Variants in PTPRD observed in about 807,000 individuals in gnomAD.
PTPRD encodes the protein receptor-type tyrosine-protein phosphatase delta.
In PTPRD, 34 loss-of-function variants were observed where a neutral mutation model predicts 214.5. The ratio of observed to expected loss-of-function variants is 0.16; its 90% CI spans 0.12 to 0.21. The LOEUF (loss-of-function observed/expected upper bound fraction) is 0.21. PTPRD is among the 10% of genes least tolerant of loss of function. PTPRD has a pLI of 1.00. For synonymous variants in PTPRD, 1,128 were observed against 845.7 expected, an observed-to-expected ratio of 1.33 and a Z score of -5.79; for missense variants, 2,545 against 2,398.7, an observed-to-expected ratio of 1.06 and a Z score of -1.27.
intron 12 of PTPRD, among the ~76,000 whole-genome samples, chr9:8,716,856 G>A (rs1400506332): frequency 6.6e-6 from 1 of 152,122 alleles, no homozygotes; most frequent in African/African-American, 2.4e-5. Context: ...GGGGGTTGGG[G>A]GTGAGGCAGA....
intron 2 of PTPRD, among the ~76,000 whole-genome samples, chr9:10,347,725 T>C (rs902414645): frequency 7.9e-5 from 12 of 152,002 alleles, no homozygotes; most frequent in African/African-American, 2.7e-4. Context: ...TTTGTCTTTA[T>C]GCTGGAAACA....
At chr9:10,379,771 A>G (rs941779202) in intron 2 of PTPRD, among the ~76,000 whole-genome samples, 1 of 152,084 alleles carries the variant, frequency 6.6e-6, no homozygotes, top group African/African-American at 2.4e-5. Context: ...TATTAGAGAA[A>G]CATAATGTAG....
intron 10 of PTPRD, among the ~76,000 whole-genome samples, chr9:9,108,965 C>T (rs554392290): frequency 8.5e-5 from 13 of 152,238 alleles, no homozygotes; most frequent in Non-Finnish European, 1.3e-4. Flanking sequence ...TTCAACTGAA[C>T]CCAATTTCCC....
intron 11 of PTPRD, among the ~76,000 whole-genome samples, chr9:8,958,392 G>A (rs1567236744): frequency 6.6e-6 from 1 of 151,876 alleles, no homozygotes; most frequent in Non-Finnish European, 1.5e-5. Context: ...TTGATGTTTA[G>A]CCTTTTCAAA....
rs573667816 is a variant in PTPRD, at chr9:8,937,681, A to G, written c.-104+81016T>C. 2.8e-4 allele frequency among the ~76,000 whole-genome samples: 43 copies of G among 152,306 alleles called. 1 individual carries two copies. Among genetic ancestry groups the G allele is most frequent in the Middle Eastern group, 3.4e-3 (1 of 294 alleles). On this transcript the variant is annotated intron_variant, in intron 11 of 45. Coordinates refer to ENST00000381196, the MANE Select transcript of PTPRD (RefSeq NM_002839.4). The stretch of plus-strand genomic sequence containing the variant: ...TCATTCAAGATTCAAAGTGCAATAT[A>G]CAAATGCTTGAACTTTGGAGCCTTC...
intron 10 of PTPRD, among the ~76,000 whole-genome samples, chr9:9,126,526 A>C (rs935804824): frequency 1.3e-5 from 2 of 152,248 alleles, no homozygotes; most frequent in Non-Finnish European, 2.9e-5. Context: ...TGTCACAAAA[A>C]GTTAGAAAAA....
chr9:9,844,448 G>A (rs2059031585), intron 5 of PTPRD, among the ~76,000 whole-genome samples: 1 of 151,864 alleles, frequency 6.6e-6, no homozygotes, highest in African/African-American at 2.4e-5. Context: ...GAGGTGTGGG[G>A]TAAATGAGAT....
chr9:9,930,009 TACTC>T (rs2085850579), intron 5 of PTPRD, among the ~76,000 whole-genome samples: 1 of 152,190 alleles, frequency 6.6e-6, no homozygotes, highest in Non-Finnish European at 1.5e-5. Flanking sequence ...AGGAGTCAGA[TACTC>T]AGTCTGTAGG....
intron 2 of PTPRD, among the ~76,000 whole-genome samples, chr9:10,512,032 A>ATATATATATATG (rs2048431256): frequency 6.6e-5 from 1 of 15,206 alleles, no homozygotes; most frequent in Non-Finnish European, 1.2e-4. Flanking sequence ...ATATATATGT[A>ATATATATATATG]TATATATATA....
At chr9:10,038,057 G>A (rs2097220538) in intron 3 of PTPRD, among the ~76,000 whole-genome samples, 2 of 152,062 alleles carry the variant, frequency 1.3e-5, no homozygotes, top group African/African-American at 2.4e-5. Context: ...TCCAAATGCA[G>A]ACTTGAATTT....
chr9:8,498,652 C>T (rs151117990), intron 25 of PTPRD, among the ~76,000 whole-genome samples: 20 of 152,288 alleles, frequency 1.3e-4, no homozygotes, highest in African/African-American at 4.8e-4. Flanking sequence ...TTTTTACAAA[C>T]TCCATCCTTT....
At chr9:9,851,046 C>A (rs191242892) in intron 5 of PTPRD, among the ~76,000 whole-genome samples, 119 of 152,256 alleles carry the variant, frequency 7.8e-4, no homozygotes, top group Non-Finnish European at 1.3e-3. Flanking sequence ...ACTTCAGATT[C>A]TTTATCTGCA....
rs192583009 is a variant in PTPRD, at chr9:9,597,179, C to G, written c.-286-22398G>C. Among the ~76,000 whole-genome samples, 894 of 152,106 alleles carry G rather than the reference C, an allele frequency of 5.9e-3. 11 individuals carry two copies. The highest frequency in any genetic ancestry group is 0.019 in the African/African-American group (806 of 41,546). On this transcript the variant is annotated intron_variant, in intron 7 of 45. Coordinates refer to ENST00000381196, the MANE Select transcript of PTPRD (RefSeq NM_002839.4). ...GGCTGAGGGTGGGGGGAATAAAAAT[C>G]ATCCTTAAAACAGAAAGTGGATAAA...
intron 33 of PTPRD, chr9:8,460,205 G>A (rs2096355183): frequency 7.7e-6 from 5 of 648,654 alleles, no homozygotes; most frequent in Non-Finnish European, 1.3e-5. Flanking sequence ...GACAACAGAA[G>A]TCTATACCAA....
chr9:10,276,711 C>T (rs2094712127), intron 3 of PTPRD, among the ~76,000 whole-genome samples: 1 of 152,140 alleles, frequency 6.6e-6, no homozygotes, highest in African/African-American at 2.4e-5. Flanking sequence ...ATTCTTATGG[C>T]TGGCAATAAT....
chr9:8,366,025 G>A (rs997837012), intron 39 of PTPRD, among the ~76,000 whole-genome samples: 1 of 152,196 alleles, frequency 6.6e-6, no homozygotes, highest in Non-Finnish European at 1.5e-5. Context: ...CATACCCTCC[G>A]TTCTGCCAAC....
Position 8,499,768 on chromosome 9 carries a change from G to A in PTPRD, c.2201C>T (p.Ser734Leu), listed in dbSNP as rs1390141842. ...NSTSVKVSWR[S>L]PVPNKQHGQI... ...GCCATGCTGTTTATTGGGCACGGGT[G>A]AGCGCCATGAGACTTTAACAGATGT... Residue 734 changes from serine (S) to leucine (L), a missense_variant, in exon 25 of 46, where the codon TCA becomes TTA. Coordinates refer to ENST00000381196, the MANE Select transcript of PTPRD (RefSeq NM_002839.4). 1 of 1,614,044 alleles carries A rather than the reference G, an allele frequency of 6.2e-7. No individual in the cohort carries two copies. Among genetic ancestry groups the A allele is most frequent in the Non-Finnish European group, 8.5e-7 (1 of 1,179,966 alleles).
At chr9:9,901,663 A>C (rs1255485972) in intron 5 of PTPRD, among the ~76,000 whole-genome samples, 1 of 152,168 alleles carries the variant, frequency 6.6e-6, no homozygotes, top group Admixed American at 6.5e-5. Context: ...AGTTGATTAT[A>C]TTAGTTAGTT....
intron 7 of PTPRD, among the ~76,000 whole-genome samples, chr9:9,634,618 T>C (rs1484080816): frequency 6.6e-6 from 1 of 152,146 alleles, no homozygotes; most frequent in African/African-American, 2.4e-5. Context: ...ACCACCAAAA[T>C]ATGAACACAA....
Sources: gnomAD v4.1 joint callset for allele counts (sites outside exome capture counted in the v4.1 genomes callset) on GRCh38, gnomAD v4.1.1 for gene constraint, MANE v1.5 for transcripts, NCBI Gene and HGNC (gene_info 2026-07-23, HGNC 2026-07-21) for gene names.